Variants in SGK3 observed in about 807,000 individuals in gnomAD.
SGK3 encodes the protein serum/glucocorticoid regulated kinase family member 3.
In SGK3, 47 loss-of-function variants were observed where a neutral mutation model predicts 68.5. The ratio of observed to expected loss-of-function variants is 0.69; its 90% CI spans 0.54 to 0.87. SGK3 has a LOEUF of 0.87. SGK3 is among the 40% of genes least tolerant of loss of function. SGK3 has a pLI of 0.00. For missense variants in SGK3, 479 were observed against 575.5 expected, an observed-to-expected ratio of 0.83 and a Z score of 1.72; for synonymous variants, 181 against 189.1, an observed-to-expected ratio of 0.96 and a Z score of 0.35.
chr8:66,723,822 C>T (rs1162566464), intron 1 of SGK3, among the ~76,000 whole-genome samples: 1 of 152,108 alleles, frequency 6.6e-6, no homozygotes, highest in Non-Finnish European at 1.5e-5. Flanking sequence ...CAATTTAGTC[C>T]ATTCTGACAC....
In SGK3 at chr8:66,793,803, G is replaced by T. The variant is rs1298096883; in HGVS notation, c.67G>T (p.Glu23Ter). The change falls in exon 2 of 17, where the codon GAA becomes TAA. Residue 23 changes from glutamate to a stop codon, truncating the protein, a stop_gained. Coordinates refer to ENST00000521198, the MANE Select transcript of SGK3 (RefSeq NM_001033578.3). LOFTEE classifies it high-confidence loss of function. Reference sequence around the variant, plus strand: ...AAGTGTAAGCATTCCCAGCTCCGATGAACACAGAGAGAAAAAGAAGAGGTT... The same window carrying T: ...AAGTGTAAGCATTCCCAGCTCCGATTAACACAGAGAGAAAAAGAAGAGGTT... ...CPSVSIPSSD[E>*]HREKKKRFTV... 6.2e-7 allele frequency: 1 copy of T among 1,613,192 alleles called. No homozygotes were observed. The highest frequency in any genetic ancestry group is 8.5e-7 in the Non-Finnish European group (1 of 1,179,462).
chr8:66,741,889 A>G (rs945562835), intron 1 of SGK3, among the ~76,000 whole-genome samples: 9 of 152,222 alleles, frequency 5.9e-5, no homozygotes, highest in Admixed American at 2.0e-4. Flanking sequence ...CTAATTGTAC[A>G]GGTAAATAAA....
Position 66,859,809 on chromosome 8 carries a change from A to G in SGK3, c.*228A>G. On this transcript the variant is annotated 3_prime_UTR_variant, in exon 17 of 17. Transcript: ENST00000521198. ...TTGTTTAATAAGCTTATTTTTAAACAATTTAAAAGCTATTATTCTTAGCAT... is the reference window on the plus strand; with the variant it reads ...TTGTTTAATAAGCTTATTTTTAAACGATTTAAAAGCTATTATTCTTAGCAT... 2.3e-6 allele frequency: 1 copy of G among 438,802 alleles called. No homozygotes were observed. The highest frequency in any genetic ancestry group is 3.7e-6 in the Non-Finnish European group (1 of 268,752). The allele number at this position is 438,802 out of a possible 1,614,324, so 27.2% of individuals were successfully genotyped here.
At chr8:66,834,966 A>G (rs1809461315) in intron 8 of SGK3, among the ~76,000 whole-genome samples, 1 of 151,622 alleles carries the variant, frequency 6.6e-6, no homozygotes, top group South Asian at 2.1e-4. Context: ...AGAAACCAAC[A>G]AAGTGCAGTA....
intron 6 of SGK3, among the ~76,000 whole-genome samples, chr8:66,826,625 A>G (rs1035864261): frequency 1.3e-5 from 2 of 152,202 alleles, no homozygotes; most frequent in East Asian, 1.9e-4. Context: ...TTGTTTTTTC[A>G]TGAGAAACTT....
chr8:66,765,826 C>T (rs1024487421), intron 1 of SGK3, among the ~76,000 whole-genome samples: 6 of 151,976 alleles, frequency 3.9e-5, no homozygotes, highest in Admixed American at 3.3e-4. Context: ...GAGTTTGAGA[C>T]CAGCCTGACT....
chr8:66,780,354 A>G lies in SGK3; in HGVS notation c.-121-13262A>G, dbSNP rs550537476. ...GGGCCTTCTAAGTGCATGGCAGTCAATAAGTCACAGTTCCCACACCCTAGT... is the reference window on the plus strand; with the variant it reads ...GGGCCTTCTAAGTGCATGGCAGTCAGTAAGTCACAGTTCCCACACCCTAGT... On this transcript the variant is annotated intron_variant, in intron 1 of 16. Coordinates refer to ENST00000521198, the MANE Select transcript of SGK3 (RefSeq NM_001033578.3). 5.9e-5 allele frequency among the ~76,000 whole-genome samples: 9 copies of G among 152,350 alleles called. No individual in the cohort carries two copies. In the East Asian group the frequency reaches 1.2e-3, roughly 20 times the overall value.
chr8:66,736,730 C>T (rs1805327168), intron 1 of SGK3, among the ~76,000 whole-genome samples: 1 of 151,872 alleles, frequency 6.6e-6, no homozygotes, highest in Middle Eastern at 3.2e-3. Context: ...AGTGATTCTA[C>T]TGCTTCAGCC....
At chr8:66,718,818 G>A (rs953849229) in intron 1 of SGK3, among the ~76,000 whole-genome samples, 32 of 152,076 alleles carry the variant, frequency 2.1e-4, no homozygotes, top group African/African-American at 7.2e-4. Flanking sequence ...GTGTGCCACC[G>A]TGCCCGGCCA....
chr8:66,789,778 G>A (rs1018371794), intron 1 of SGK3, among the ~76,000 whole-genome samples: 7 of 152,124 alleles, frequency 4.6e-5, no homozygotes, highest in African/African-American at 1.4e-4. Context: ...GCCTGTGGCC[G>A]TTTAAAGGGT....
chr8:66,779,567 TATA>T lies in SGK3; in HGVS notation c.-121-14048_-121-14046del, dbSNP rs1563622906. On this transcript the variant is annotated intron_variant, in intron 1 of 16. Coordinates refer to ENST00000521198, the MANE Select transcript of SGK3 (RefSeq NM_001033578.3). Reference sequence around the variant, plus strand: ...ATGTATATGTATGTGTGTGAATATATATATATATATATATATATATATATATAT... The same window carrying T: ...ATGTATATGTATGTGTGTGAATATATTATATATATATATATATATATATAT... 3.4e-4 allele frequency among the ~76,000 whole-genome samples: 29 copies of T among 85,940 alleles called. No homozygotes were observed. The South Asian group carries it at 9.9e-3, about 29-fold the overall frequency. The allele number at this position is 85,940 out of a possible 152,430, so 56.4% of individuals were successfully genotyped here.
intron 1 of SGK3, among the ~76,000 whole-genome samples, chr8:66,779,756 A>T (rs1359674184): frequency 6.6e-6 from 1 of 150,640 alleles, no homozygotes; most frequent in African/African-American, 2.4e-5. Context: ...TTTACTAATA[A>T]CATAGCCACT....
chr8:66,830,265 C>T (rs1809252385), intron 7 of SGK3, among the ~76,000 whole-genome samples: 1 of 152,180 alleles, frequency 6.6e-6, no homozygotes, highest in South Asian at 2.1e-4. Context: ...GCATGCTTTT[C>T]ACTGTTAGAT....
chr8:66,724,193 T>C (rs888619175), intron 1 of SGK3, among the ~76,000 whole-genome samples: 2 of 152,256 alleles, frequency 1.3e-5, no homozygotes, highest in African/African-American at 2.4e-5. Flanking sequence ...TTGCCCAGGC[T>C]AGTCTCAAAC....
chr8:66,804,262 A>G, intron 3 of SGK3, 113 bp from the exon 4 acceptor site: 1 of 877,102 alleles, frequency 1.1e-6, no homozygotes, highest in East Asian at 2.8e-5. Flanking sequence ...TAAATTCAAA[A>G]GTATGTCTTA....
At chr8:66,777,679 T>A (rs1563621806) in intron 1 of SGK3, among the ~76,000 whole-genome samples, 1 of 152,190 alleles carries the variant, frequency 6.6e-6, no homozygotes, top group Non-Finnish European at 1.5e-5. Flanking sequence ...AGCCCTGCAG[T>A]TCCCTTTTCA....
intron 1 of SGK3, among the ~76,000 whole-genome samples, chr8:66,756,261 T>G (rs1430685355): frequency 6.6e-6 from 1 of 152,098 alleles, no homozygotes; most frequent in Non-Finnish European, 1.5e-5. Context: ...TCCAGAATTG[T>G]GAGACAATGC....
At chr8:66,797,409 A>G (rs1249960159) in intron 2 of SGK3, among the ~76,000 whole-genome samples, 1 of 152,180 alleles carries the variant, frequency 6.6e-6, no homozygotes, top group Non-Finnish European at 1.5e-5. Context: ...GAGGTATCAA[A>G]TTAATTCTAA....
chr8:66,764,737 G>A (rs910704042), intron 1 of SGK3, among the ~76,000 whole-genome samples: 4 of 152,148 alleles, frequency 2.6e-5, no homozygotes, highest in South Asian at 2.1e-4. Flanking sequence ...TCTGTTTCCC[G>A]TTTCTATGGA....
Sources: allele counts gnomAD v4.1 joint callset (sites outside exome capture counted in the v4.1 genomes callset), GRCh38; gene constraint gnomAD v4.1.1; transcripts MANE v1.5; gene names NCBI Gene and HGNC (gene_info 2026-07-23, HGNC 2026-07-21).